Variants in CFAP299 observed in about 807,000 individuals in gnomAD.
The protein encoded by CFAP299 is cilia- and flagella-associated protein 299.
Under a neutral mutation model 27.0 loss-of-function variants are expected in CFAP299, and 21 were observed. That is an observed-to-expected ratio of 0.78 (90% CI 0.55 to 1.12). The LOEUF (loss-of-function observed/expected upper bound fraction) is 1.12, where lower values mean the gene tolerates loss of function less well. Ranked by LOEUF, CFAP299 falls within the 50% of genes most tolerant of loss-of-function variation. CFAP299 has a pLI of 0.00. For missense variants in CFAP299, 310 were observed against 276.6 expected, an observed-to-expected ratio of 1.12 and a Z score of -0.86; for synonymous variants, 104 against 98.1, an observed-to-expected ratio of 1.06 and a Z score of -0.36.
At chr4:80,441,127 C>G (rs978974518) in intron 2 of CFAP299, among the ~76,000 whole-genome samples, 3 of 152,196 alleles carry the variant, frequency 2.0e-5, no homozygotes, top group African/African-American at 7.2e-5. Flanking sequence ...AGTTGGAAAA[C>G]ACTTCAGGAT....
chr4:80,796,632 G>T (rs1314032396), intron 3 of CFAP299, among the ~76,000 whole-genome samples: 1 of 152,094 alleles, frequency 6.6e-6, no homozygotes, highest in Non-Finnish European at 1.5e-5. Flanking sequence ...GTCACCACTT[G>T]GTTAAGCTTA....
upstream of CFAP299, among the ~76,000 whole-genome samples, chr4:80,332,791 C>T (rs940353796): frequency 6.6e-6 from 1 of 152,054 alleles, no homozygotes; most frequent in Non-Finnish European, 1.5e-5. Flanking sequence ...TTGTGGTGGC[C>T]GTCTATTCAC....
intron 4 of CFAP299, among the ~76,000 whole-genome samples, chr4:80,921,363 A>C (rs776243064): frequency 6.6e-6 from 1 of 152,072 alleles, no homozygotes; most frequent in Non-Finnish European, 1.5e-5. Flanking sequence ...ACATAGAAGG[A>C]ATTAGTGTGG....
intron 2 of CFAP299, among the ~76,000 whole-genome samples, chr4:80,425,381 G>A (rs1417774161): frequency 2.0e-5 from 3 of 151,996 alleles, no homozygotes; most frequent in Non-Finnish European, 4.4e-5. Context: ...TCTCCATTGG[G>A]GAAGGATACA....
intron 3 of CFAP299, among the ~76,000 whole-genome samples, chr4:80,736,396 A>G (rs1271880938): frequency 1.3e-5 from 2 of 151,792 alleles, no homozygotes; most frequent in East Asian, 1.9e-4. Flanking sequence ...AGTTGTAGAT[A>G]TTTTCGCAAC....
intron 3 of CFAP299, among the ~76,000 whole-genome samples, chr4:80,750,828 G>A (rs560958039): frequency 1.3e-5 from 2 of 152,298 alleles, no homozygotes; most frequent in Admixed American, 6.5e-5. Context: ...AGTTTCAGGA[G>A]TTGTGAACTT....
At chr4:80,372,030 A>G (rs1724172726) in intron 2 of CFAP299, among the ~76,000 whole-genome samples, 1 of 152,338 alleles carries the variant, frequency 6.6e-6, no homozygotes, top group South Asian at 2.1e-4. Flanking sequence ...AGACTGGGTA[A>G]TTTATAAAGA....
intron 3 of CFAP299, among the ~76,000 whole-genome samples, chr4:80,597,189 A>C (rs1399486284): frequency 6.6e-6 from 1 of 152,142 alleles, no homozygotes; most frequent in Non-Finnish European, 1.5e-5. Flanking sequence ...ATTCGGAGCA[A>C]CTGTGTATGA....
chr4:80,807,237 G>T (rs965324436), intron 3 of CFAP299, among the ~76,000 whole-genome samples: 2 of 151,948 alleles, frequency 1.3e-5, no homozygotes, highest in African/African-American at 2.4e-5. Flanking sequence ...GTACACTTTG[G>T]CATATAATTT....
chr4:80,335,720 C>T, upstream of CFAP299: 1 of 1,131,926 alleles, frequency 8.8e-7, no homozygotes, highest in South Asian at 1.2e-5. Context: ...CCTCCTGACC[C>T]TGCCCTCCTG....
intron 2 of CFAP299, among the ~76,000 whole-genome samples, chr4:80,389,250 A>G (rs1425240188): frequency 6.6e-6 from 1 of 152,184 alleles, no homozygotes; most frequent in Non-Finnish European, 1.5e-5. Flanking sequence ...TCTGCTAATC[A>G]TTCCTACCTA....
chr4:80,750,457 A>G (rs893924117), intron 3 of CFAP299, among the ~76,000 whole-genome samples: 6 of 152,206 alleles, frequency 3.9e-5, no homozygotes, highest in Non-Finnish European at 1.5e-5. Flanking sequence ...CAAGAATCTT[A>G]TATAATAGGA....
intron 4 of CFAP299, among the ~76,000 whole-genome samples, chr4:80,896,257 A>C (rs1734604352): frequency 2.0e-5 from 3 of 152,134 alleles, no homozygotes; most frequent in Admixed American, 1.3e-4. Flanking sequence ...CAAAATATCC[A>C]GAATGGTTAT....
intron 2 of CFAP299, among the ~76,000 whole-genome samples, chr4:80,510,980 A>T (rs1385734154): frequency 6.6e-6 from 1 of 152,150 alleles, no homozygotes; most frequent in Non-Finnish European, 1.5e-5. Context: ...TCTAGTGAGA[A>T]TGAATTTGGT....
At chr4:80,676,233 G>A (rs909696278) in intron 3 of CFAP299, among the ~76,000 whole-genome samples, 1 of 152,078 alleles carries the variant, frequency 6.6e-6, no homozygotes, top group Admixed American at 6.6e-5. Context: ...TTTGTCCTTG[G>A]TTCTGTTAGT....
intron 3 of CFAP299, among the ~76,000 whole-genome samples, chr4:80,791,114 A>G (rs888143152): frequency 1.3e-5 from 2 of 152,116 alleles, no homozygotes; most frequent in African/African-American, 4.8e-5. Context: ...TCAAAGAAAC[A>G]TGAACACAGT....
At chr4:80,752,474 TC>T (rs1420950196) in intron 3 of CFAP299, among the ~76,000 whole-genome samples, 1 of 148,192 alleles carries the variant, frequency 6.7e-6, no homozygotes, top group Non-Finnish European at 1.5e-5. Flanking sequence ...TATATATATT[TC>T]ATTAAGTTTT....
At chr4:80,679,688 T>C (rs76928054) in intron 3 of CFAP299, among the ~76,000 whole-genome samples, 13,398 of 151,582 alleles carry the variant, frequency 0.088, 896 homozygotes, top group Non-Finnish European at 0.14. Flanking sequence ...AAAAAAATTT[T>C]CAAGTTCTTG....
chr4:80,422,317 A>G (rs1727322287), intron 2 of CFAP299, among the ~76,000 whole-genome samples: 1 of 152,058 alleles, frequency 6.6e-6, no homozygotes, highest in Non-Finnish European at 1.5e-5. Flanking sequence ...TTTATAAAAT[A>G]AGTAGCTTTT....
Sources: gnomAD v4.1 joint callset for allele counts (sites outside exome capture counted in the v4.1 genomes callset) on GRCh38, gnomAD v4.1.1 for gene constraint, MANE v1.5 for transcripts, NCBI Gene and HGNC (gene_info 2026-07-23, HGNC 2026-07-21) for gene names.